NRG3: variants seen among roughly 807,000 people sequenced by gnomAD.
NRG3 encodes neuregulin 3, also known as pro-neuregulin-3, membrane-bound isoform.
Under a neutral mutation model 66.9 loss-of-function variants are expected in NRG3, and 31 were observed. The observed-to-expected ratio is 0.46, with a 90% CI of 0.35 to 0.63. The LOEUF (loss-of-function observed/expected upper bound fraction) is 0.63. NRG3 is among the 20% of genes least tolerant of loss of function. The probability of loss-of-function intolerance (pLI) is 0.00; values close to 1 mark genes in which losing one functional copy is unlikely to be tolerated. For synonymous variants in NRG3, 393 were observed against 359.4 expected (o/e 1.09, Z -1.06); for missense variants, 910 against 878.9 (o/e 1.04, Z -0.45).
intron 1 of NRG3, among the ~76,000 whole-genome samples, chr10:82,311,501 G>A (rs1487946112): frequency 6.6e-6 from 1 of 152,046 alleles, no homozygotes; most frequent in East Asian, 1.9e-4. Context: ...TGAAATCTGG[G>A]TATATTTATT....
intron 2 of NRG3, among the ~76,000 whole-genome samples, chr10:82,570,348 A>C (rs1320632323): frequency 2.0e-5 from 3 of 151,666 alleles, no homozygotes; most frequent in African/African-American, 7.2e-5. Flanking sequence ...TTGTCTTGCG[A>C]ATACTTTCCA....
intron 3 of NRG3, among the ~76,000 whole-genome samples, chr10:82,792,699 T>G (rs1464566648): frequency 6.6e-6 from 1 of 152,036 alleles, no homozygotes; most frequent in Non-Finnish European, 1.5e-5. Flanking sequence ...TTTATTTTTT[T>G]GACGGAGTTT....
intron 1 of NRG3, among the ~76,000 whole-genome samples, chr10:82,178,847 A>T (rs926827188): frequency 6.6e-6 from 1 of 152,098 alleles, no homozygotes; most frequent in African/African-American, 2.4e-5. Context: ...CCAGCAGTTC[A>T]CAGGGGTTAC....
intron 2 of NRG3, among the ~76,000 whole-genome samples, chr10:82,619,441 C>G (rs1186450751): frequency 6.6e-6 from 1 of 152,134 alleles, no homozygotes; most frequent in Non-Finnish European, 1.5e-5. Context: ...ATTGGTATTT[C>G]TGCATGCTAA....
intron 3 of NRG3, among the ~76,000 whole-genome samples, chr10:82,808,334 T>C (rs546247243): frequency 2.0e-4 from 30 of 152,182 alleles, no homozygotes; most frequent in Non-Finnish European, 3.4e-4. Flanking sequence ...GAATGATACA[T>C]TGAGATCATT....
intron 1 of NRG3, among the ~76,000 whole-genome samples, chr10:82,352,457 G>A (rs1333003921): frequency 6.6e-6 from 1 of 152,142 alleles, no homozygotes; most frequent in Non-Finnish European, 1.5e-5. Flanking sequence ...GAAAGAATGA[G>A]AGACAAAGAG....
intron 4 of NRG3, among the ~76,000 whole-genome samples, chr10:82,912,442 T>C (rs994533006): frequency 2.0e-5 from 3 of 152,158 alleles, no homozygotes; most frequent in Admixed American, 1.3e-4. Flanking sequence ...CACTGACGTC[T>C]TCTGTCTTCT....
At chr10:82,409,807 C>T (rs2087914431) in intron 2 of NRG3, among the ~76,000 whole-genome samples, 1 of 152,104 alleles carries the variant, frequency 6.6e-6, no homozygotes, top group Admixed American at 6.6e-5. Flanking sequence ...GTTGATTGGC[C>T]TGCTCATATA....
intron 1 of NRG3, among the ~76,000 whole-genome samples, chr10:82,255,912 A>G (rs2077703475): frequency 6.6e-6 from 1 of 151,588 alleles, no homozygotes; most frequent in Non-Finnish European, 1.5e-5. Context: ...TCAATTTTTC[A>G]ATAAATCTGA....
At chr10:82,050,671 T>A (rs2063549253) in intron 1 of NRG3, among the ~76,000 whole-genome samples, 1 of 151,998 alleles carries the variant, frequency 6.6e-6, no homozygotes, top group South Asian at 2.1e-4. Flanking sequence ...TCGTAGACAT[T>A]TTGGTGGAAA....
At chr10:82,917,392 G>T (rs1845943532) in intron 4 of NRG3, among the ~76,000 whole-genome samples, 1 of 152,194 alleles carries the variant, frequency 6.6e-6, no homozygotes, top group Non-Finnish European at 1.5e-5. Context: ...AAAAGCGACA[G>T]TCCAAGTTGA....
At chr10:82,009,535 C>G (rs7083860) in intron 1 of NRG3, among the ~76,000 whole-genome samples, 1 of 152,062 alleles carries the variant, frequency 6.6e-6, no homozygotes, top group Non-Finnish European at 1.5e-5. Flanking sequence ...CCCCTGCCAA[C>G]CTCCTCTCTT....
At chr10:82,422,002 G>A (rs191049101) in intron 2 of NRG3, among the ~76,000 whole-genome samples, 37 of 152,144 alleles carry the variant, frequency 2.4e-4, no homozygotes, top group Admixed American at 2.4e-3. Flanking sequence ...AAGGAACTTC[G>A]ACCACATTTG....
chr10:82,760,105 G>A (rs1337157596), intron 3 of NRG3, among the ~76,000 whole-genome samples: 4 of 152,076 alleles, frequency 2.6e-5, no homozygotes, highest in African/African-American at 4.8e-5. Flanking sequence ...ATAAGCATTT[G>A]GCTGTGGCTT....
chr10:82,929,890 AG>A (rs1847391532), intron 4 of NRG3, among the ~76,000 whole-genome samples: 1 of 150,800 alleles, frequency 6.6e-6, no homozygotes, highest in South Asian at 2.1e-4. Flanking sequence ...AAAAAAAAAA[AG>A]GAAAAAGAAA....
At chr10:82,037,218 A>G (rs2062827551) in intron 1 of NRG3, among the ~76,000 whole-genome samples, 1 of 152,114 alleles carries the variant, frequency 6.6e-6, no homozygotes, top group South Asian at 2.1e-4. Context: ...TCCTGGCTGC[A>G]CTCCAGAGAA....
At chr10:82,491,888 G>A (rs532725062) in intron 2 of NRG3, among the ~76,000 whole-genome samples, 2 of 152,076 alleles carry the variant, frequency 1.3e-5, no homozygotes, top group Non-Finnish European at 2.9e-5. Flanking sequence ...TCTTTCTTTG[G>A]TTAGAAAAAT....
At chr10:82,519,522 C>A (rs1177653883) in intron 2 of NRG3, among the ~76,000 whole-genome samples, 1 of 152,100 alleles carries the variant, frequency 6.6e-6, no homozygotes, top group Admixed American at 6.5e-5. Flanking sequence ...TCTTTAAATT[C>A]CCTTTCCCTT....
chr10:82,166,556 T>G (rs2072074244), intron 1 of NRG3, among the ~76,000 whole-genome samples: 1 of 152,000 alleles, frequency 6.6e-6, no homozygotes, highest in Admixed American at 6.6e-5. Context: ...TTTGCCCATA[T>G]TATAAATACT....
Sources: gnomAD v4.1 joint callset for allele counts (sites outside exome capture counted in the v4.1 genomes callset) on GRCh38, gnomAD v4.1.1 for gene constraint, MANE v1.5 for transcripts, NCBI Gene and HGNC (gene_info 2026-07-23, HGNC 2026-07-21) for gene names.